MLLT3: variants seen among roughly 807,000 people sequenced by gnomAD.
MLLT3 encodes the protein protein AF-9.
In MLLT3, 4 loss-of-function variants were observed where a neutral mutation model predicts 53.2. The observed-to-expected ratio is 0.08, with a 90% CI of 0.04 to 0.17. The LOEUF is 0.17. Ranked by LOEUF, MLLT3 falls within the 10% of genes least tolerant of loss-of-function variation. The pLI, the probability that MLLT3 is intolerant of heterozygous loss-of-function variation, is 1.00. For missense variants in MLLT3, 569 were observed against 684.0 expected (o/e 0.83, Z 1.87); for synonymous variants, 283 against 230.6 (o/e 1.23, Z -2.06).
intron 2 of MLLT3, among the ~76,000 whole-genome samples, chr9:20,486,072 A>T (rs762924212): frequency 2.0e-5 from 3 of 152,206 alleles, no homozygotes; most frequent in Non-Finnish European, 4.4e-5. Flanking sequence ...CACACGTTAT[A>T]GTCAAGTCAT....
At position 20,621,099 on chromosome 9, in the gene MLLT3, G is replaced by A; in HGVS notation, c.13-265C>T. 1.7e-6 allele frequency: 1 copy of A among 595,544 alleles called. No homozygotes were observed. Among genetic ancestry groups the A allele is most frequent in the South Asian group, 1.8e-5 (1 of 55,686 alleles). 36.9% of individuals were successfully genotyped at this position (595,544 alleles called of 1,614,324 possible). A position where few individuals can be genotyped will look rare whatever the true frequency, so the allele number is the denominator to read the frequency against. ...TTGTAACGGAATGTTATCCCCAGTCGGGAAGGGGGTCGGGGAAAAGAGGGA... is the reference window on the plus strand; with the variant it reads ...TTGTAACGGAATGTTATCCCCAGTCAGGAAGGGGGTCGGGGAAAAGAGGGA... On this transcript the variant is annotated intron_variant, in intron 1 of 10. Transcript: ENST00000380338. The surrounding 1 kb of genome is among the most constrained non-coding windows in gnomAD (Gnocchi z 7.0).
chr9:20,520,843 C>T (rs1167188839), intron 2 of MLLT3, among the ~76,000 whole-genome samples: 4 of 152,160 alleles, frequency 2.6e-5, no homozygotes, highest in Admixed American at 6.5e-5. Flanking sequence ...AGAATGCTGG[C>T]CATGGCCACG....
At chr9:20,589,428 C>T (rs2131184117) in intron 2 of MLLT3, among the ~76,000 whole-genome samples, 1 of 99,580 alleles carries the variant, frequency 1.0e-5, no homozygotes, top group East Asian at 3.0e-4. Flanking sequence ...ACTCTGGGGA[C>T]TGTTGTGGGG....
intron 5 of MLLT3, among the ~76,000 whole-genome samples, chr9:20,380,586 A>G (rs769459076): frequency 2.7e-4 from 41 of 152,012 alleles, no homozygotes; most frequent in Non-Finnish European, 4.0e-4. Context: ...GATGCTTTTA[A>G]AACTTCAACA....
chr9:20,581,961 C>T (rs1209287367), intron 2 of MLLT3, among the ~76,000 whole-genome samples: 2 of 152,120 alleles, frequency 1.3e-5, no homozygotes, highest in Non-Finnish European at 1.5e-5. Flanking sequence ...ATATCTGATG[C>T]TCAATCCAGC....
At chr9:20,583,255 C>A (rs951569758) in intron 2 of MLLT3, among the ~76,000 whole-genome samples, 1 of 152,170 alleles carries the variant, frequency 6.6e-6, no homozygotes, top group Non-Finnish European at 1.5e-5. Context: ...GAGGTGGGTT[C>A]GTGGTCTTGG....
chr9:20,462,614 A>C (rs1439146329), intron 2 of MLLT3, among the ~76,000 whole-genome samples: 1 of 152,084 alleles, frequency 6.6e-6, no homozygotes. Flanking sequence ...GCCTTCTGCC[A>C]ATACTCAAAA....
chr9:20,563,079 A>T (rs1819256726), intron 2 of MLLT3, among the ~76,000 whole-genome samples: 1 of 152,140 alleles, frequency 6.6e-6, no homozygotes, highest in Non-Finnish European at 1.5e-5. Flanking sequence ...ACAGTAACCT[A>T]TCAGAGCTGT....
At chr9:20,515,424 G>C (rs1817885572) in intron 2 of MLLT3, among the ~76,000 whole-genome samples, 4 of 152,120 alleles carry the variant, frequency 2.6e-5, no homozygotes, top group Non-Finnish European at 5.9e-5. Flanking sequence ...AGGGACTATA[G>C]GGTTTAAAGT....
At chr9:20,534,430 A>C (rs1313458526) in intron 2 of MLLT3, among the ~76,000 whole-genome samples, 1 of 152,230 alleles carries the variant, frequency 6.6e-6, no homozygotes, top group Non-Finnish European at 1.5e-5. Flanking sequence ...AAATAATCTA[A>C]AGTTTAGAAA....
intron 5 of MLLT3, among the ~76,000 whole-genome samples, chr9:20,400,664 G>A (rs1174633503): frequency 6.6e-6 from 1 of 151,890 alleles, no homozygotes; most frequent in African/African-American, 2.4e-5. Context: ...GCTGAGTGAT[G>A]GTCCATGAAG....
intron 5 of MLLT3, among the ~76,000 whole-genome samples, chr9:20,411,622 A>G (rs1822730376): frequency 6.6e-6 from 1 of 152,210 alleles, no homozygotes; most frequent in Non-Finnish European, 1.5e-5. Flanking sequence ...TATGTCATAT[A>G]CCATTTTGAA....
chr9:20,543,978 A>G (rs865810096), intron 2 of MLLT3, among the ~76,000 whole-genome samples: 11 of 152,330 alleles, frequency 7.2e-5, no homozygotes, highest in Middle Eastern at 3.4e-3. Flanking sequence ...AGGGGAATCA[A>G]AACTGTGTAG....
At position 20,620,531 on chromosome 9, in the gene MLLT3, G is replaced by T. The variant is rs1179760650; in HGVS notation, c.193+123C>A. The T allele has an allele frequency of 2.6e-6, 2 of 778,840 alleles. No individual in the cohort carries two copies. Among genetic ancestry groups the T allele is most frequent in the Middle Eastern group, 3.4e-4 (1 of 2,906 alleles). The allele number at this position is 778,840 out of a possible 1,614,324, so 48.2% of individuals were successfully genotyped here. ...TGGCCCGCGCGGCGCCGCGCACCCG[G>T]ATCCCGAGGCTACGCCGGCGAGCGC... is the stretch of plus-strand genomic sequence containing the variant. On this transcript the variant is annotated intron_variant, in intron 2 of 10. Coordinates refer to ENST00000380338, the MANE Select transcript of MLLT3 (RefSeq NM_004529.4). This position sits in a 1 kb window ranked among gnomAD's most constrained non-coding sequence, Gnocchi z 6.1.
intron 2 of MLLT3, among the ~76,000 whole-genome samples, chr9:20,483,423 G>A (rs1443716017): frequency 6.6e-6 from 1 of 151,086 alleles, no homozygotes; most frequent in East Asian, 2.0e-4. Context: ...TTAACTTTAA[G>A]GATCTCACTA....
chr9:20,440,978 G>A (rs1823534284), intron 4 of MLLT3, among the ~76,000 whole-genome samples: 1 of 152,082 alleles, frequency 6.6e-6, no homozygotes, highest in Admixed American at 6.6e-5. Context: ...GCTACTTCGG[G>A]GAGGTCTGCA....
At position 20,370,142 on chromosome 9, in the gene MLLT3, T is replaced by C. The variant is rs115002529; in HGVS notation, c.1126-4398A>G. On this transcript the variant is annotated intron_variant, in intron 5 of 10. Coordinates refer to ENST00000380338, the MANE Select transcript of MLLT3 (RefSeq NM_004529.4). The stretch of plus-strand genomic sequence containing the variant: ...GGTATGTTCTACAGTGATAAAAGTA[T>C]AGACATCCTTTGCTTCATCATGCCA... Among the ~76,000 whole-genome samples, 1,014 of 152,372 alleles carry C rather than the reference T, an allele frequency of 6.7e-3. 12 individuals are homozygous for C. Among genetic ancestry groups the C allele is most frequent in the African/African-American group, 0.023 (946 of 41,586 alleles).
At chr9:20,596,806 C>A (rs2131192387) in intron 2 of MLLT3, among the ~76,000 whole-genome samples, 1 of 152,292 alleles carries the variant, frequency 6.6e-6, no homozygotes, top group African/African-American at 2.4e-5. Context: ...AATTTTAAAT[C>A]AGCTTGTCAA....
chr9:20,529,713 T>C (rs1818282186), intron 2 of MLLT3, among the ~76,000 whole-genome samples: 1 of 150,402 alleles, frequency 6.6e-6, no homozygotes, highest in Non-Finnish European at 1.5e-5. Flanking sequence ...GAAAAGATGA[T>C]TAATCCAATC....
Sources: allele counts gnomAD v4.1 joint callset (sites outside exome capture counted in the v4.1 genomes callset), GRCh38; gene constraint gnomAD v4.1.1; non-coding constraint Gnocchi (gnomAD v3.1); transcripts MANE v1.5; gene names NCBI Gene and HGNC (gene_info 2026-07-23, HGNC 2026-07-21).